Variants in VPS53 observed in about 807,000 individuals in gnomAD.
The protein encoded by VPS53 is vacuolar protein sorting-associated protein 53 homolog.
Under a neutral mutation model 107.0 loss-of-function variants are expected in VPS53, and 70 were observed. The observed-to-expected ratio is 0.65, with a 90% CI of 0.54 to 0.80. The LOEUF is 0.80. Ranked by LOEUF, VPS53 falls within the 30% of genes least tolerant of loss-of-function variation. The pLI is 0.00. For synonymous variants in VPS53, 409 were observed against 393.3 expected (o/e 1.04, Z -0.47); for missense variants, 917 against 1,049.4 (o/e 0.87, Z 1.74).
chr17:654,513 C>T (rs1174810199), intron 6 of VPS53, among the ~76,000 whole-genome samples: 26 of 152,026 alleles, frequency 1.7e-4, no homozygotes, highest in Middle Eastern at 6.8e-3. Context: ...CCGAGGCGGG[C>T]AGATCACAAG....
At chr17:668,202 G>A (rs578190949) in intron 4 of VPS53, among the ~76,000 whole-genome samples, 1 of 152,256 alleles carries the variant, frequency 6.6e-6, no homozygotes, top group African/African-American at 2.4e-5. Flanking sequence ...GGGACACGCT[G>A]CGTTTATGAT....
At chr17:637,254 A>G (rs1175755049) in intron 7 of VPS53, among the ~76,000 whole-genome samples, 3 of 152,112 alleles carry the variant, frequency 2.0e-5, no homozygotes, top group Non-Finnish European at 4.4e-5. Context: ...CTGTGGGATC[A>G]GTGGTGATAT....
At chr17:592,868 G>T (rs1281095308) in intron 12 of VPS53, among the ~76,000 whole-genome samples, 1 of 152,080 alleles carries the variant, frequency 6.6e-6, no homozygotes, top group Admixed American at 6.6e-5. Flanking sequence ...ATGTGTCTTG[G>T]TGTTGCTCTT....
intron 11 of VPS53, among the ~76,000 whole-genome samples, chr17:619,615 C>T (rs1969368341): frequency 2.4e-5 from 2 of 83,676 alleles, no homozygotes; most frequent in Admixed American, 1.3e-4. Flanking sequence ...GGACTACAGG[C>T]GTGCACCACC....
intron 4 of VPS53, among the ~76,000 whole-genome samples, chr17:693,468 T>C (rs960241755): frequency 1.9e-4 from 29 of 152,148 alleles, no homozygotes; most frequent in African/African-American, 6.8e-4. Flanking sequence ...ATGCCTATAA[T>C]CTCAGCATTT....
At chr17:548,919 G>GC (rs768754482) in intron 17 of VPS53, among the ~76,000 whole-genome samples, 12 of 152,154 alleles carry the variant, frequency 7.9e-5, no homozygotes, top group Non-Finnish European at 8.8e-5. Context: ...CCTTACGAGG[G>GC]CCTTCTTTGC....
chr17:682,125 A>G (rs753832013), intron 4 of VPS53, among the ~76,000 whole-genome samples: 13 of 152,220 alleles, frequency 8.5e-5, no homozygotes, highest in Non-Finnish European at 1.8e-4. Context: ...ATAGAACAGA[A>G]CACTTTAAAC....
intron 12 of VPS53, among the ~76,000 whole-genome samples, chr17:588,793 G>T (rs1967473518): frequency 6.6e-6 from 1 of 152,188 alleles, no homozygotes; most frequent in Non-Finnish European, 1.5e-5. Context: ...TTCCACTTGA[G>T]TGCACAGATG....
chr17:571,700 G>A (rs1027884997), intron 13 of VPS53, among the ~76,000 whole-genome samples: 1 of 152,248 alleles, frequency 6.6e-6, no homozygotes, highest in African/African-American at 2.4e-5. Flanking sequence ...GCGCTGCCAT[G>A]CCTGACTGGT....
At chr17:684,637 T>C (rs949673896) in intron 4 of VPS53, among the ~76,000 whole-genome samples, 4 of 152,214 alleles carry the variant, frequency 2.6e-5, no homozygotes, top group African/African-American at 9.6e-5. Context: ...AATTGATCTA[T>C]AGACTCAACG....
chr17:661,076 T>A (rs967272294), intron 5 of VPS53, among the ~76,000 whole-genome samples: 27 of 151,624 alleles, frequency 1.8e-4, no homozygotes, highest in Non-Finnish European at 3.4e-4. Context: ...CCTCCCTCCA[T>A]CCCTCCCTCC....
chr17:519,063 TTGG>T lies in VPS53; in HGVS notation c.*62_*64del. ...AGAGTGCCGGGGAGCACAGGAGAGG[TTGG>T]GGGCTTCTGGGGAACGGGCGCTGAG... On this transcript the variant is annotated 3_prime_UTR_variant, in exon 22 of 22. Transcript: ENST00000437048. This position sits in a 1 kb window ranked among gnomAD's most constrained non-coding sequence, Gnocchi z 5.0. The T allele has an allele frequency of 7.0e-7, 1 of 1,433,864 alleles. No homozygotes were observed. Among genetic ancestry groups the T allele is most frequent in the East Asian group, 2.6e-5 (1 of 38,280 alleles). 88.8% of individuals were successfully genotyped at this position (1,433,864 alleles called of 1,614,324 possible).
rs1567651425 is a variant in VPS53, at chr17:586,329, A to G, written c.1254T>C (p.His418=). 1 of 1,614,168 alleles carries G rather than the reference A, an allele frequency of 6.2e-7. No homozygotes were observed. The highest frequency in any genetic ancestry group is 8.5e-7 in the Non-Finnish European group (1 of 1,179,968). The change falls in exon 13 of 22, where the codon CAT becomes CAC. Residue 418 remains histidine, a synonymous_variant. Coordinates refer to ENST00000437048, the MANE Select transcript of VPS53 (RefSeq NM_001128159.3). ...KKPKAPDNPF[H]GIVSKCFEPH... ...GCTCAAAACACTTGGAAACAATGCC[A>G]TGAAATGGATTGTCTGGGGCTTTAG... is the stretch of plus-strand genomic sequence containing the variant.
intron 5 of VPS53, chr17:656,700 A>ATGTGTGTGTGTGTGTGTGTGTGTG (rs34123743): frequency 1.3e-4 from 74 of 554,650 alleles, no homozygotes; most frequent in African/African-American, 1.1e-3. Flanking sequence ...TGACTAAGAA[A>ATGTGTGTGTGTGTGTGTGTGTGTG]TGTGTGTGTG....
chr17:521,833 G>C, intron 19 of VPS53, 95 bp from the exon 20 acceptor site: 1 of 1,287,902 alleles, frequency 7.8e-7, no homozygotes, highest in Non-Finnish European at 1.0e-6. Context: ...CGTTATACAC[G>C]TAACACATTC....
intron 9 of VPS53, 61 bp downstream of exon 9, chr17:628,027 C>G: frequency 6.6e-7 from 1 of 1,523,524 alleles, no homozygotes; most frequent in Non-Finnish European, 8.9e-7. Context: ...GTAGGCTTGA[C>G]AGCACTCATG....
chr17:687,981 T>C (rs559828830), intron 4 of VPS53, among the ~76,000 whole-genome samples: 20 of 152,242 alleles, frequency 1.3e-4, no homozygotes, highest in African/African-American at 3.4e-4. Context: ...CCTTAGAGAA[T>C]TGAAATAAAA....
intron 11 of VPS53, among the ~76,000 whole-genome samples, chr17:612,039 C>CAT (rs1491260614): frequency 1.7e-4 from 26 of 150,584 alleles, no homozygotes; most frequent in African/African-American, 5.9e-4. Flanking sequence ...TACAAATATT[C>CAT]ACAGTGAGTT....
chr17:556,748 T>C (rs1012605263), intron 15 of VPS53, among the ~76,000 whole-genome samples: 3 of 152,174 alleles, frequency 2.0e-5, no homozygotes, highest in African/African-American at 7.2e-5. Context: ...GTGAACAAAG[T>C]AGACTTTCTG....
Sources: gnomAD v4.1 joint callset for allele counts (sites outside exome capture counted in the v4.1 genomes callset) on GRCh38, gnomAD v4.1.1 for gene constraint, Gnocchi (gnomAD v3.1) non-coding constraint, MANE v1.5 for transcripts, NCBI Gene and HGNC (gene_info 2026-07-23, HGNC 2026-07-21) for gene names.